KIZ: variants seen among roughly 807,000 people sequenced by gnomAD.
The protein encoded by KIZ is centrosomal protein kizuna.
KIZ carries 68 observed loss-of-function variants against 79.6 expected under a neutral mutation model. The ratio of observed to expected loss-of-function variants is 0.85; its 90% CI spans 0.70 to 1.05. The LOEUF (loss-of-function observed/expected upper bound fraction) is 1.05, where lower values mean the gene tolerates loss of function less well. Among genes scored for constraint, KIZ ranks in the 50% least tolerant of loss-of-function variants. KIZ has a pLI of 0.00. For missense variants in KIZ, 797 were observed against 800.4 expected, an observed-to-expected ratio of 1.00 and a Z score of 0.05; for synonymous variants, 280 against 281.8, an observed-to-expected ratio of 0.99 and a Z score of 0.06.
chr20:21,245,938 A>G (rs1016057368), intron 12 of KIZ: 2 of 153,040 alleles, frequency 1.3e-5, no homozygotes, highest in Non-Finnish European at 1.5e-5. Context: ...CCCACTCGTC[A>G]TCATACCCTT....
At chr20:21,228,448 G>A (rs1458003804) in intron 9 of KIZ, among the ~76,000 whole-genome samples, 2 of 152,096 alleles carry the variant, frequency 1.3e-5, no homozygotes, top group Admixed American at 6.6e-5. Context: ...TGATCCCTGT[G>A]GACACCTGGC....
At chr20:21,189,019 T>G (rs535655097) in intron 6 of KIZ, among the ~76,000 whole-genome samples, 1 of 152,210 alleles carries the variant, frequency 6.6e-6, no homozygotes, top group African/African-American at 2.4e-5. Context: ...GTTTTGTATT[T>G]TATTTTAAGA....
intron 4 of KIZ, among the ~76,000 whole-genome samples, chr20:21,152,351 G>A (rs2033161070): frequency 6.6e-6 from 1 of 152,214 alleles, no homozygotes; most frequent in Non-Finnish European, 1.5e-5. Context: ...ATTTTAGGAA[G>A]AAGGAGCCTG....
chr20:21,197,727 T>C (rs2035404186), intron 6 of KIZ: 1 of 152,260 alleles, frequency 6.6e-6, no homozygotes, highest in Non-Finnish European at 1.5e-5. Flanking sequence ...CATTTTAATG[T>C]CCAGATTATA....
At chr20:21,215,817 A>G (rs1420882374) in intron 9 of KIZ, among the ~76,000 whole-genome samples, 169 bp downstream of exon 9, 1 of 152,208 alleles carries the variant, frequency 6.6e-6, no homozygotes, top group African/African-American at 2.4e-5. Context: ...ACTTATGTTA[A>G]CATAAACTAA....
chr20:21,128,215 G>A (rs2031608682), intron 1 of KIZ, among the ~76,000 whole-genome samples: 1 of 152,150 alleles, frequency 6.6e-6, no homozygotes, highest in South Asian at 2.1e-4. Context: ...GTTTCACCAT[G>A]TTGGCCAGGC....
intron 6 of KIZ, among the ~76,000 whole-genome samples, chr20:21,168,960 G>C (rs956393437): frequency 6.6e-6 from 1 of 151,984 alleles, no homozygotes; most frequent in African/African-American, 2.4e-5. Context: ...TTAAACATTA[G>C]ACCTAAAACC....
Position 21,163,036 on chromosome 20 carries a change from C to A in KIZ, c.1229C>A (p.Ala410Asp). The A allele has an allele frequency of 6.2e-7, 1 of 1,613,662 alleles. No homozygotes were observed. The highest frequency in any genetic ancestry group is 8.5e-7 in the Non-Finnish European group (1 of 1,179,680). Residue 410 changes from alanine to aspartate, a missense_variant, in exon 6 of 13, where the codon GCC becomes GAC. Coordinates refer to ENST00000619189, the MANE Select transcript of KIZ (RefSeq NM_018474.6). The part of the protein sequence containing the change: ...GKMEGEDGIE[A>D]LKLIHAEQER... ...ATGGAGGGAGAAGATGGAATAGAGGCCTTAAAATTAATCCATGCTGAGCAA... is the reference window on the plus strand; with the variant it reads ...ATGGAGGGAGAAGATGGAATAGAGGACTTAAAATTAATCCATGCTGAGCAA...
At chr20:21,161,264 C>A (rs184810924) in intron 4 of KIZ, among the ~76,000 whole-genome samples, 2 of 152,302 alleles carry the variant, frequency 1.3e-5, no homozygotes, top group East Asian at 3.9e-4. Context: ...ACAATATTTT[C>A]TCCCATTATG....
At chr20:21,131,708 C>G (rs1462619250) in intron 1 of KIZ, among the ~76,000 whole-genome samples, 1 of 152,238 alleles carries the variant, frequency 6.6e-6, no homozygotes, top group Non-Finnish European at 1.5e-5. Context: ...CCATATTAGT[C>G]TCCAGGCCTA....
intron 1 of KIZ, among the ~76,000 whole-genome samples, chr20:21,130,475 AG>A (rs910123223): frequency 2.0e-5 from 3 of 152,090 alleles, no homozygotes; most frequent in African/African-American, 7.2e-5. Context: ...ATGAAACTCT[AG>A]GGGGGGAATG....
intron 6 of KIZ, among the ~76,000 whole-genome samples, chr20:21,178,622 G>A (rs2034528977): frequency 6.6e-6 from 1 of 152,142 alleles, no homozygotes; most frequent in Admixed American, 6.5e-5. Context: ...AACAGAAGTG[G>A]CAAGAGTGGG....
intron 3 of KIZ, among the ~76,000 whole-genome samples, chr20:21,145,163 A>AT (rs200950637): frequency 3.1e-5 from 4 of 129,138 alleles, no homozygotes; most frequent in African/African-American, 1.2e-4. Flanking sequence ...AGTAGGATTG[A>AT]TTTTTTTTGT....
intron 6 of KIZ, chr20:21,196,792 A>C (rs1295040892): frequency 6.6e-6 from 1 of 152,146 alleles, no homozygotes; most frequent in Non-Finnish European, 1.5e-5. Context: ...TAGCACTTGA[A>C]TCTTGTGTGC....
At position 21,136,494 on chromosome 20, in the gene KIZ, G is replaced by A. The variant is rs373803095; in HGVS notation, c.257G>A (p.Arg86His). 183 of 1,600,844 alleles carry A rather than the reference G, an allele frequency of 1.1e-4. 1 individual carries two copies. The African/African-American group carries it at 1.6e-3, about 14-fold the overall frequency. Residue 86 changes from arginine (R) to histidine (H), a missense_variant, in exon 3 of 13, where the codon CGT becomes CAT. By Grantham distance (29) the Arg-to-His change is conservative. Transcript: ENST00000619189. ...CAAGAATATTTAAAGCGATTTGAGCGTGTCCAAGCTCATGTTGTACACTTC... is the reference window on the plus strand; with the variant it reads ...CAAGAATATTTAAAGCGATTTGAGCATGTCCAAGCTCATGTTGTACACTTC... ...RNQEYLKRFE[R>H]VQAHVVHFTT...
intron 7 of KIZ, chr20:21,213,644 C>G (rs1315056250): frequency 1.3e-5 from 2 of 152,140 alleles, no homozygotes; most frequent in East Asian, 3.9e-4. Context: ...GATAATGTGA[C>G]CAATGGTTAT....
At chr20:21,173,721 C>T (rs1439767385) in intron 6 of KIZ, among the ~76,000 whole-genome samples, 1 of 151,886 alleles carries the variant, frequency 6.6e-6, no homozygotes, top group Non-Finnish European at 1.5e-5. Context: ...GTAGGAGGCA[C>T]AGACTTGAAG....
chr20:21,188,140 A>G (rs1164274653), intron 6 of KIZ, among the ~76,000 whole-genome samples: 2 of 152,164 alleles, frequency 1.3e-5, no homozygotes, highest in African/African-American at 4.8e-5. Flanking sequence ...TATTACTCGA[A>G]TTTCCCTCCT....
rs921636473 is a variant in KIZ at position 21,126,190 on chromosome 20, C to T, written c.75C>T (p.His25=). The change falls in exon 1 of 13, where the codon CAC becomes CAT. Residue 25 remains histidine (H), a synonymous_variant. Transcript: ENST00000619189. ...ACGAGAGGCTGGGCCAACTCCAGCA[C>T]GGGCTGCGGGACAGGTAAGGGCACT... ...DYYERLGQLQ[H]GLRDSEKKRL... 7 of 1,482,886 alleles carry T rather than the reference C, an allele frequency of 4.7e-6. No homozygotes were observed. The African/African-American group carries it at 5.8e-5, about 12-fold the overall frequency. The allele number at this position is 1,482,886 out of a possible 1,614,324, so 91.9% of individuals were successfully genotyped here. A position where few individuals can be genotyped will look rare whatever the true frequency, so the allele number is the denominator to read the frequency against.
Sources: gnomAD v4.1 joint callset for allele counts (sites outside exome capture counted in the v4.1 genomes callset) on GRCh38, gnomAD v4.1.1 for gene constraint, MANE v1.5 for transcripts, NCBI Gene and HGNC (gene_info 2026-07-23, HGNC 2026-07-21) for gene names.